TATDN3: variants seen among roughly 807,000 people sequenced by gnomAD.
The protein encoded by TATDN3 is deoxyribonuclease TATDN3.
In TATDN3, 29 loss-of-function variants were observed where a neutral mutation model predicts 40.1. The ratio of observed to expected loss-of-function variants is 0.72; its 90% confidence interval spans 0.54 to 0.99. The LOEUF (loss-of-function observed/expected upper bound fraction) is 0.99, where lower values mean the gene tolerates loss of function less well. Among genes scored for constraint, TATDN3 ranks in the 50% least tolerant of loss-of-function variants. The pLI, the probability that TATDN3 is intolerant of heterozygous loss-of-function variation, is 0.00. For synonymous variants in TATDN3, 105 were observed against 117.0 expected (o/e 0.90, Z 0.66); for missense variants, 309 against 321.9 (o/e 0.96, Z 0.31).
chr1:212,815,056 T>C lies in TATDN3; in HGVS notation c.725T>C (p.Ile242Thr). The C allele has an allele frequency of 1.9e-6, 3 of 1,614,074 alleles. No individual in the cohort carries two copies. Among genetic ancestry groups the C allele is most frequent in the Non-Finnish European group, 2.5e-6 (3 of 1,180,012 alleles). ...AACATTTCTATTTCAGCAGAATATA[T>C]TGCCCAGGTGAAAGGGATCTCAGTG... Reference protein sequence around the residue: ...PWNISISAEYIAQVKGISVEE... With the variant: ...PWNISISAEYTAQVKGISVEE... The change falls in exon 10 of 10, where the codon ATT (isoleucine) becomes ACT (threonine). Residue 242 changes from isoleucine to threonine, a missense_variant. Transcript: ENST00000366974.
intron 3 of TATDN3, chr1:212,796,871 G>C (rs1019973422): frequency 3.1e-5 from 15 of 485,626 alleles, no homozygotes; most frequent in Non-Finnish European, 4.7e-5. Context: ...CAAGTAGCTG[G>C]GTCTAAAGCA....
intron 8 of TATDN3, among the ~76,000 whole-genome samples, chr1:212,811,107 C>T (rs972725077): frequency 2.3e-4 from 35 of 151,896 alleles, no homozygotes; most frequent in African/African-American, 8.5e-4. Context: ...CTCAGCCTTC[C>T]GAGTACCTGG....
Position 212,802,743 on chromosome 1 carries a change from C to T in TATDN3, c.301C>T (p.Arg101Trp), listed in dbSNP as rs140267863. 6.9e-4 allele frequency: 1,112 copies of T among 1,612,710 alleles called. 3 individuals carry two copies. In the African/African-American group the frequency reaches 0.013, roughly 19 times the overall value. Residue 101 changes from arginine to tryptophan, a missense_variant, in exon 5 of 10, where the codon CGG becomes TGG. Physicochemically the swap from Arg to Trp is moderately radical, Grantham distance 101. Transcript: ENST00000366974. ...ALPIIENYKDRLLAIGEVGLD... is the reference protein window; with the variant it reads ...ALPIIENYKDWLLAIGEVGLD... ...GCCCATTATTGAGAATTATAAGGAT[C>T]GGTTGTTGGCAATTGGAGAGGTAAA...
chr1:212,796,893 G>A, intron 3 of TATDN3: 1 of 505,198 alleles, frequency 2.0e-6, no homozygotes, highest in Non-Finnish European at 3.5e-6. Flanking sequence ...GCACCACCAG[G>A]CCTGGCTAAT....
chr1:212,804,229 T>G, intron 5 of TATDN3, 91 bp from the exon 6 acceptor site: 1 of 820,052 alleles, frequency 1.2e-6, no homozygotes, highest in South Asian at 1.9e-5. Flanking sequence ...TGCCTCACAT[T>G]ATATATTTCT....
chr1:212,794,691 T>C, intron 1 of TATDN3: 1 of 460,204 alleles, frequency 2.2e-6, no homozygotes, highest in South Asian at 1.6e-5. Flanking sequence ...GCAGATGTTC[T>C]TGAAGTCTGA....
rs537309844 is a variant in TATDN3, at chr1:212,796,558, A to G, written c.141A>G (p.Gly47=). The change falls in exon 3 of 10, where the codon GGA becomes GGG. Residue 47 remains glycine (G), a synonymous_variant. Coordinates refer to ENST00000366974, the MANE Select transcript of TATDN3 (RefSeq NM_001042552.3). ...VALVAVAEHS[G]EFEKIMQLSE... is the part of the protein sequence containing the mutation. ...TTGTGGCAGTTGCCGAACATTCAGG[A>G]GAATTTGAAAAGATTATGCAACTTT... 4.5e-6 allele frequency: 7 copies of G among 1,562,326 alleles called. No individual in the cohort carries two copies. The South Asian group carries it at 6.2e-5, about 14-fold the overall frequency.
intron 2 of TATDN3, among the ~76,000 whole-genome samples, chr1:212,795,778 CTCAT>C (rs138702367): frequency 0.023 from 3,466 of 152,228 alleles, 63 homozygotes; most frequent in South Asian, 0.042. Flanking sequence ...TCGACTTTAC[CTCAT>C]TCAATGTTTC....
chr1:212,811,634 A>G (rs990243644), intron 8 of TATDN3, among the ~76,000 whole-genome samples: 31 of 152,032 alleles, frequency 2.0e-4, no homozygotes, highest in Non-Finnish European at 4.4e-4. Context: ...TCTGGAGTAC[A>G]GTGGCGTGAT....
chr1:212,796,884 C>T, intron 3 of TATDN3: 1 of 491,584 alleles, frequency 2.0e-6, no homozygotes, highest in South Asian at 3.5e-5. Context: ...CTAAAGCATG[C>T]ACCACCAGGC....
At position 212,804,360 on chromosome 1, in the gene TATDN3, A is replaced by T; in HGVS notation, c.362A>T (p.Glu121Val). Residue 121 changes from glutamate to valine, a missense_variant, in exon 6 of 10, where the codon GAA (glutamate) becomes GTA (valine). Coordinates refer to ENST00000366974, the MANE Select transcript of TATDN3 (RefSeq NM_001042552.3). ...DFSPRFAGTG[E>V]QKEEQRQVLI... Reference sequence around the variant, plus strand: ...TCCCCCAGATTTGCTGGCACTGGTGAACAGAAGGAAGAGCAAAGACAAGTC... The same window carrying T: ...TCCCCCAGATTTGCTGGCACTGGTGTACAGAAGGAAGAGCAAAGACAAGTC... 6.2e-7 allele frequency: 1 copy of T among 1,614,112 alleles called. No individual in the cohort carries two copies. Among genetic ancestry groups the T allele is most frequent in the Non-Finnish European group, 8.5e-7 (1 of 1,179,986 alleles).
In TATDN3 at chr1:212,791,967, T is replaced by C; in HGVS notation, c.46T>C (p.Ser16Pro). The change falls in exon 1 of 10, where the codon TCC becomes CCC. Residue 16 changes from serine (S) to proline (P), a missense_variant. Transcript: ENST00000366974. ...VGLVDCHCHL[S>P]APDFDRDLDD... ...CTTGGTGGACTGTCACTGCCACCTCTCCGCCCCGGACTTTGACCGCGTATG... is the reference window on the plus strand; with the variant it reads ...CTTGGTGGACTGTCACTGCCACCTCCCCGCCCCGGACTTTGACCGCGTATG... 1 of 1,614,010 alleles carries C rather than the reference T, an allele frequency of 6.2e-7. No individual in the cohort carries two copies. Among genetic ancestry groups the C allele is most frequent in the Non-Finnish European group, 8.5e-7 (1 of 1,179,978 alleles).
At position 212,816,823 on chromosome 1, in the gene TATDN3, T is replaced by C. The variant is rs959449841; in HGVS notation, c.*1667T>C. On this transcript the variant is annotated 3_prime_UTR_variant, in exon 10 of 10. Transcript: ENST00000366974. ...ATATTAAAACTGGACTTTTAAGCTC[T>C]CTTCCAACTCTGTATTTCTTTTCCC... Among the ~76,000 whole-genome samples, 11 of 152,198 alleles carry C rather than the reference T, an allele frequency of 7.2e-5. No individual in the cohort carries two copies. The highest frequency in any genetic ancestry group is 2.4e-4 in the African/African-American group (10 of 41,456).
At position 212,815,171 on chromosome 1, in the gene TATDN3, A is replaced by G. The variant is rs1424693104; in HGVS notation, c.*15A>G. The G allele has an allele frequency of 1.3e-6, 2 of 1,599,676 alleles. No individual in the cohort carries two copies. Among genetic ancestry groups the G allele is most frequent in the Non-Finnish European group, 8.5e-7 (1 of 1,175,538 alleles). On this transcript the variant is annotated 3_prime_UTR_variant, in exon 10 of 10. Coordinates refer to ENST00000366974, the MANE Select transcript of TATDN3 (RefSeq NM_001042552.3). ...TCCAGAAATAGCTTCAAAACCATCC[A>G]TTACAAAATCGAATCAACTGCAGGG...
At chr1:212,796,618 G>T in intron 3 of TATDN3, 28 bp downstream of exon 3, 6 of 1,477,956 alleles carry the variant, frequency 4.1e-6, no homozygotes, top group Non-Finnish European at 5.5e-6. Flanking sequence ...GATTTTAAAG[G>T]GTTGCTAATA....
chr1:212,798,553 A>G (rs998849234), intron 4 of TATDN3, among the ~76,000 whole-genome samples: 2 of 151,406 alleles, frequency 1.3e-5, no homozygotes, highest in Non-Finnish European at 2.9e-5. Context: ...AAAAAAAAAA[A>G]AAAAAGAAAA....
chr1:212,815,292 TTC>T lies in TATDN3; in HGVS notation c.*140_*141del. ...GAAGATTGTAATTGTAGAGAAATATTTCTCTTAGAAATAAAACTGGGCTTGGA... is the reference window on the plus strand; with the variant it reads ...GAAGATTGTAATTGTAGAGAAATATTTCTTAGAAATAAAACTGGGCTTGGA... On this transcript the variant is annotated 3_prime_UTR_variant, in exon 10 of 10. Transcript: ENST00000366974. The T allele has an allele frequency of 1.9e-6, 2 of 1,061,150 alleles. No individual in the cohort carries two copies. Among genetic ancestry groups the T allele is most frequent in the Middle Eastern group, 2.2e-4 (1 of 4,540 alleles). The allele number at this position is 1,061,150 out of a possible 1,614,324, so 65.7% of individuals were successfully genotyped here.
intron 9 of TATDN3, among the ~76,000 whole-genome samples, chr1:212,814,650 T>C (rs781492824): frequency 4.6e-5 from 7 of 152,174 alleles, no homozygotes; most frequent in Non-Finnish European, 8.8e-5. Context: ...GCCTGTGAGG[T>C]AGGCGGCCAA....
intron 9 of TATDN3, 70 bp from the exon 10 acceptor site, chr1:212,814,943 A>AT (rs2102492190): frequency 6.6e-7 from 1 of 1,508,940 alleles, no homozygotes; most frequent in South Asian, 1.3e-5. Flanking sequence ...ATTTTCTTCT[A>AT]TCTATAGTCT....
Sources: allele counts gnomAD v4.1 joint callset (sites outside exome capture counted in the v4.1 genomes callset), GRCh38; gene constraint gnomAD v4.1.1; transcripts MANE v1.5; gene names NCBI Gene and HGNC (gene_info 2026-07-23, HGNC 2026-07-21).